NFATC2: variants seen among roughly 807,000 people sequenced by gnomAD.
NFATC2 encodes the protein nuclear factor of activated T cells 2.
NFATC2 carries 22 observed loss-of-function variants against 87.3 expected under a neutral mutation model. That is an observed-to-expected ratio of 0.25 (90% CI 0.18 to 0.36). The LOEUF is 0.36. Ranked by LOEUF, NFATC2 falls within the 10% of genes least tolerant of loss-of-function variation. NFATC2 has a pLI of 1.00. For missense variants in NFATC2, 1,149 were observed against 1,259.1 expected, an observed-to-expected ratio of 0.91 and a Z score of 1.32; for synonymous variants, 565 against 542.2, an observed-to-expected ratio of 1.04 and a Z score of -0.58.
rs144455698 is a variant in NFATC2, at chr20:51,493,333, T to C, written c.1333-17673A>G. The stretch of plus-strand genomic sequence containing the variant: ...ACACATAGTAAGCGCTCAGTAAACG[T>C]TGGCCTTCATCTTGTTGTAATTCTT... On this transcript the variant is annotated intron_variant, in intron 3 of 10. Coordinates refer to ENST00000371564, the MANE Select transcript of NFATC2 (RefSeq NM_012340.5). Among the ~76,000 whole-genome samples the C allele has an allele frequency of 3.0e-3, 455 of 152,310 alleles. 4 individuals carry two copies. Among genetic ancestry groups the C allele is most frequent in the Non-Finnish European group, 4.3e-3 (294 of 68,026 alleles).
chr20:51,527,966 T>C (rs2076571555), intron 1 of NFATC2, among the ~76,000 whole-genome samples: 1 of 151,242 alleles, frequency 6.6e-6, no homozygotes, highest in Non-Finnish European at 1.5e-5. Flanking sequence ...TAGCTGGGCA[T>C]GGTGGCACCT....
chr20:51,426,771 G>C (rs1321632584), intron 9 of NFATC2, among the ~76,000 whole-genome samples: 1 of 152,170 alleles, frequency 6.6e-6, no homozygotes, highest in Non-Finnish European at 1.5e-5. Flanking sequence ...CACTTTTGTA[G>C]AAGGGAAAGG....
chr20:51,410,330 A>G (rs1187064872), intron 9 of NFATC2, among the ~76,000 whole-genome samples: 1 of 151,966 alleles, frequency 6.6e-6, no homozygotes, highest in Non-Finnish European at 1.5e-5. Flanking sequence ...ATATCAGGGG[A>G]AAACTGTTTT....
At chr20:51,533,067 A>G (rs536622568) in intron 1 of NFATC2, among the ~76,000 whole-genome samples, 1 of 152,354 alleles carries the variant, frequency 6.6e-6, no homozygotes, top group Admixed American at 6.5e-5. Flanking sequence ...TCTGTCGCCA[A>G]GGCAGCACTT....
intron 2 of NFATC2, among the ~76,000 whole-genome samples, chr20:51,519,385 C>A (rs933661421): frequency 1.3e-5 from 2 of 150,214 alleles, no homozygotes; most frequent in Non-Finnish European, 3.0e-5. Flanking sequence ...GAGGCTGAAG[C>A]GGGTGGATCA....
chr20:51,535,700 T>C (rs2076708805), intron 1 of NFATC2, among the ~76,000 whole-genome samples: 1 of 152,222 alleles, frequency 6.6e-6, no homozygotes, highest in Non-Finnish European at 1.5e-5. Context: ...ACAGCCCCTT[T>C]CCATAACCTT....
At chr20:51,561,335 A>AAAG (rs1555822715) in intron 1 of NFATC2, among the ~76,000 whole-genome samples, 33,980 of 127,420 alleles carry the variant, frequency 0.27, 5,537 homozygotes, top group African/African-American at 0.36. Flanking sequence ...AAAAAAAAAA[A>AAAG]AAAGAAAGAA....
intron 9 of NFATC2, among the ~76,000 whole-genome samples, chr20:51,412,741 G>T (rs558373733): frequency 1.3e-5 from 2 of 152,206 alleles, no homozygotes; most frequent in South Asian, 4.2e-4. Context: ...TGCTATCTTC[G>T]GGAGGAGCAG....
At chr20:51,544,112 C>T (rs371255362), upstream of NFATC2, among the ~76,000 whole-genome samples, 3 of 151,048 alleles carry the variant, frequency 2.0e-5, no homozygotes, top group African/African-American at 4.9e-5. Flanking sequence ...CTCAGCCTCC[C>T]GAGTAGCTGG....
At chr20:51,497,965 T>G (rs188419573) in intron 3 of NFATC2, among the ~76,000 whole-genome samples, 1 of 152,334 alleles carries the variant, frequency 6.6e-6, no homozygotes, top group Non-Finnish European at 1.5e-5. Flanking sequence ...GCATACTTCT[T>G]GATTAAAAAA....
At chr20:51,412,449 G>A (rs1461674351) in intron 9 of NFATC2, among the ~76,000 whole-genome samples, 8 of 152,224 alleles carry the variant, frequency 5.3e-5, no homozygotes, top group Non-Finnish European at 1.2e-4. Flanking sequence ...ACGGGCCAGG[G>A]GGTGGGCAGG....
chr20:51,500,649 A>ACC (rs1185690116), intron 3 of NFATC2, among the ~76,000 whole-genome samples: 3 of 21,988 alleles, frequency 1.4e-4, no homozygotes, highest in Non-Finnish European at 1.9e-4. Context: ...CACCCTCACC[A>ACC]CCCCCCCCTC....
chr20:51,449,119 C>A (rs1392235859), intron 6 of NFATC2, among the ~76,000 whole-genome samples: 1 of 152,168 alleles, frequency 6.6e-6, no homozygotes, highest in Non-Finnish European at 1.5e-5. Context: ...AGGCTGTCAC[C>A]TTTCCTTAAT....
At chr20:51,466,065 T>G (rs1987653143) in intron 5 of NFATC2, among the ~76,000 whole-genome samples, 1 of 152,116 alleles carries the variant, frequency 6.6e-6, no homozygotes, top group Admixed American at 6.5e-5. Flanking sequence ...TTCTTTTGTT[T>G]GTTTTGAGAT....
In NFATC2 at chr20:51,519,751, T is replaced by TAA. The variant is rs66928164; in HGVS notation, c.1161-2798_1161-2797dup. On this transcript the variant is annotated intron_variant, in intron 2 of 10. Coordinates refer to ENST00000371564, the MANE Select transcript of NFATC2 (RefSeq NM_012340.5). ...CAACATGGTGAAACCCCATCTCTAC[T>TAA]AAAAAAAAAAAAAAAAAAGCCAGGT... 5.2e-4 allele frequency among the ~76,000 whole-genome samples: 64 copies of TAA among 122,704 alleles called. 3 individuals carry two copies. In the East Asian group the frequency reaches 0.01, roughly 20 times the overall value. The allele number at this position is 122,704 out of a possible 152,430, so 80.5% of individuals were successfully genotyped here. A position where few individuals can be genotyped will look rare whatever the true frequency, so the allele number is the denominator to read the frequency against.
At chr20:51,465,429 C>T (rs1266122885) in intron 5 of NFATC2, among the ~76,000 whole-genome samples, 1 of 152,100 alleles carries the variant, frequency 6.6e-6, no homozygotes, top group Non-Finnish European at 1.5e-5. Context: ...CTACTTGGAA[C>T]CCATGGCTTC....
intron 6 of NFATC2, among the ~76,000 whole-genome samples, chr20:51,449,924 CATT>C (rs1985564588): frequency 6.6e-6 from 1 of 151,414 alleles, no homozygotes; most frequent in Middle Eastern, 3.2e-3. Flanking sequence ...TAATAACGTT[CATT>C]ATTAGTACTT....
chr20:51,462,529 A>C (rs1987267583), intron 5 of NFATC2, among the ~76,000 whole-genome samples: 1 of 152,220 alleles, frequency 6.6e-6, no homozygotes, highest in Non-Finnish European at 1.5e-5. Flanking sequence ...ATTTTTAAAA[A>C]TATTATAAAA....
At chr20:51,488,563 C>G (rs2075824369) in intron 3 of NFATC2, among the ~76,000 whole-genome samples, 1 of 152,298 alleles carries the variant, frequency 6.6e-6, no homozygotes, top group Non-Finnish European at 1.5e-5. Context: ...TATTGAGAAA[C>G]ATTCTTAAAT....
Sources: gnomAD v4.1 joint callset for allele counts (sites outside exome capture counted in the v4.1 genomes callset) on GRCh38, gnomAD v4.1.1 for gene constraint, MANE v1.5 for transcripts, NCBI Gene and HGNC (gene_info 2026-07-23, HGNC 2026-07-21) for gene names.